TMEM178B: variants seen among roughly 807,000 people sequenced by gnomAD.
TMEM178B encodes transmembrane protein 178B.
TMEM178B carries 5 observed loss-of-function variants against 31.0 expected under a neutral mutation model. The ratio of observed to expected loss-of-function variants is 0.16; its 90% CI spans 0.08 to 0.34. The LOEUF is 0.34. Ranked by LOEUF, TMEM178B falls within the 10% of genes least tolerant of loss-of-function variation. The pLI, the probability that TMEM178B is intolerant of heterozygous loss-of-function variation, is 1.00. For synonymous variants in TMEM178B, 164 were observed against 164.0 expected (o/e 1.00, Z 0.00); for missense variants, 275 against 400.3 (o/e 0.69, Z 2.67).
At chr7:141,486,603 T>C in the TMEM178B span, among the ~76,000 whole-genome samples, 1 of 152,214 alleles carries the variant, frequency 6.6e-6, no homozygotes, top group Non-Finnish European at 1.5e-5. Flanking sequence ...CAATGTGCTA[T>C]ATAGGGTTAA....
In TMEM178B at chr7:141,307,200, T is replaced by C. The variant is rs1452786058; in HGVS notation, c.496+94496T>C. Among the ~76,000 whole-genome samples the C allele has an allele frequency of 5.9e-5, 9 of 152,184 alleles. No individual in the cohort carries two copies. In the East Asian group the frequency reaches 9.6e-4, roughly 16 times the overall value. On this transcript the variant is annotated intron_variant, in intron 2 of 3. Transcript: ENST00000565468. ...ATCACTTTTTTCTGAACTATAATGCTTGGACTGTAACCAAGTTTAGCCTGA... is the reference window on the plus strand; with the variant it reads ...ATCACTTTTTTCTGAACTATAATGCCTGGACTGTAACCAAGTTTAGCCTGA...
chr7:141,154,486 C>T (rs1796032546), intron 1 of TMEM178B, among the ~76,000 whole-genome samples: 1 of 152,190 alleles, frequency 6.6e-6, no homozygotes, highest in African/African-American at 2.4e-5. Context: ...ACTTGACCCA[C>T]TGAAGGTCAT....
intron 2 of TMEM178B, among the ~76,000 whole-genome samples, chr7:141,388,039 T>G (rs1028285934): frequency 1.3e-5 from 2 of 152,114 alleles, no homozygotes; most frequent in African/African-American, 4.8e-5. Flanking sequence ...GATTCTGGGG[T>G]GTGTGTGTCT....
At chr7:141,294,192 A>G (rs1045260048) in intron 2 of TMEM178B, among the ~76,000 whole-genome samples, 4 of 152,232 alleles carry the variant, frequency 2.6e-5, no homozygotes, top group Admixed American at 1.3e-4. Flanking sequence ...TGATGTGGAC[A>G]GGAGGAGTCT....
chr7:141,483,739 C>CTT (rs34741245), downstream of TMEM178B, among the ~76,000 whole-genome samples: 936 of 144,032 alleles, frequency 6.5e-3, 4 homozygotes, highest in Non-Finnish European at 0.01. Context: ...TGCCCTTCTT[C>CTT]TTTTTTTTTT....
intron 2 of TMEM178B, among the ~76,000 whole-genome samples, chr7:141,305,117 G>T (rs1484700034): frequency 6.6e-6 from 1 of 152,114 alleles, no homozygotes; most frequent in Non-Finnish European, 1.5e-5. Flanking sequence ...ATATTTTATG[G>T]TCTATGACAT....
At chr7:141,115,185 G>A (rs954530743) in intron 1 of TMEM178B, among the ~76,000 whole-genome samples, 1 of 152,150 alleles carries the variant, frequency 6.6e-6, no homozygotes, top group African/African-American at 2.4e-5. Flanking sequence ...TGGGATTACA[G>A]GTGTGTGCTA....
intron 2 of TMEM178B, among the ~76,000 whole-genome samples, chr7:141,269,151 C>T (rs911933309): frequency 2.7e-5 from 4 of 149,326 alleles, no homozygotes; most frequent in Non-Finnish European, 3.0e-5. Flanking sequence ...AGTGCAGTGG[C>T]ATGATCTTGG....
In TMEM178B at chr7:141,318,700, C is replaced by T. The variant is rs976400756; in HGVS notation, c.496+105996C>T. On this transcript the variant is annotated intron_variant, in intron 2 of 3. Transcript: ENST00000565468. This position sits in a 1 kb window ranked among gnomAD's most constrained non-coding sequence, Gnocchi z 4.1. ...TGCTTTAAGTCTGTCTGATTCACAGCTCATCTTGATCTTACAATATCTGCT... is the reference window on the plus strand; with the variant it reads ...TGCTTTAAGTCTGTCTGATTCACAGTTCATCTTGATCTTACAATATCTGCT... 6.6e-6 allele frequency among the ~76,000 whole-genome samples: 1 copy of T among 152,190 alleles called. No homozygotes were observed.
rs1183135513 is a variant in TMEM178B, at chr7:141,079,810, TAGGAAGTATA to T, written c.382+5121_382+5130del. Among the ~76,000 whole-genome samples, 17 of 152,234 alleles carry T rather than the reference TAGGAAGTATA, an allele frequency of 1.1e-4. No homozygotes were observed. In the East Asian group the frequency reaches 3.3e-3, roughly 29 times the overall value. ...GCTAATTTATTGTTCATAATAACCCTAGGAAGTATAAGTATTATTTTAAATTCTCATCCTA... is the reference window on the plus strand; with the variant it reads ...GCTAATTTATTGTTCATAATAACCCTAGTATTATTTTAAATTCTCATCCTA... On this transcript the variant is annotated intron_variant, in intron 1 of 3. Coordinates refer to ENST00000565468, the MANE Select transcript of TMEM178B (RefSeq NM_001195278.2).
intron 2 of TMEM178B, among the ~76,000 whole-genome samples, chr7:141,328,325 G>A (rs1327283332): frequency 6.6e-6 from 1 of 152,214 alleles, no homozygotes; most frequent in African/African-American, 2.4e-5. Flanking sequence ...AGAAGGAACT[G>A]TGAGACACAG....
intron 2 of TMEM178B, among the ~76,000 whole-genome samples, chr7:141,338,517 G>C (rs1406918516): frequency 6.6e-6 from 1 of 152,172 alleles, no homozygotes; most frequent in Non-Finnish European, 1.5e-5. Context: ...TTTGATATTG[G>C]ATGGGGATGG....
chr7:141,108,910 G>A (rs780027990), intron 1 of TMEM178B, among the ~76,000 whole-genome samples: 5 of 152,160 alleles, frequency 3.3e-5, no homozygotes, highest in African/African-American at 7.2e-5. Context: ...AAAGTTCCAC[G>A]TGGCTAGGGA....
chr7:141,173,499 G>T (rs1796380019), intron 1 of TMEM178B, among the ~76,000 whole-genome samples: 1 of 152,102 alleles, frequency 6.6e-6, no homozygotes, highest in South Asian at 2.1e-4. Context: ...TGAAAGATTG[G>T]CCTGCAGTCA....
intron 3 of TMEM178B, among the ~76,000 whole-genome samples, chr7:141,448,551 A>T (rs1464959457): frequency 1.3e-5 from 2 of 152,178 alleles, no homozygotes; most frequent in Non-Finnish European, 2.9e-5. Context: ...CTTGCACAGG[A>T]CAGTCCCAGA....
chr7:141,265,668 C>G (rs1450053770), intron 2 of TMEM178B, among the ~76,000 whole-genome samples: 3 of 152,128 alleles, frequency 2.0e-5, no homozygotes, highest in African/African-American at 7.2e-5. Context: ...GGGCACGTCT[C>G]TTTTGGGATT....
At chr7:141,343,188 G>A (rs982966559) in intron 2 of TMEM178B, among the ~76,000 whole-genome samples, 1 of 152,214 alleles carries the variant, frequency 6.6e-6, no homozygotes, top group African/African-American at 2.4e-5. Context: ...GGACCGTGTA[G>A]GTCTGATTCA....
intron 1 of TMEM178B, among the ~76,000 whole-genome samples, chr7:141,125,402 G>T (rs113290525): frequency 6.6e-6 from 1 of 151,986 alleles, no homozygotes; most frequent in Non-Finnish European, 1.5e-5. Context: ...GAAGCCCGGC[G>T]CCGGATGTGG....
At chr7:141,260,317 A>G (rs1212527624) in intron 2 of TMEM178B, among the ~76,000 whole-genome samples, 1 of 152,224 alleles carries the variant, frequency 6.6e-6, no homozygotes, top group African/African-American at 2.4e-5. Context: ...GGGTGGGAAC[A>G]TCTCCTAAGC....
Sources: allele counts gnomAD v4.1 joint callset (sites outside exome capture counted in the v4.1 genomes callset), GRCh38; gene constraint gnomAD v4.1.1; non-coding constraint Gnocchi (gnomAD v3.1); transcripts MANE v1.5; gene names NCBI Gene and HGNC (gene_info 2026-07-23, HGNC 2026-07-21).